The following SPICE1 variants were observed in gnomAD, a reference collection of about 807,000 sequenced individuals.
SPICE1 encodes the protein spindle and centriole-associated protein 1.
SPICE1 carries 75 observed loss-of-function variants against 102.7 expected under a neutral mutation model. The ratio of observed to expected loss-of-function variants is 0.73; its 90% CI spans 0.61 to 0.88. The LOEUF (loss-of-function observed/expected upper bound fraction) is 0.88. Among genes scored for constraint, SPICE1 ranks in the 40% least tolerant of loss-of-function variants. The pLI is 0.00. For missense variants in SPICE1, 979 were observed against 1,020.1 expected, an observed-to-expected ratio of 0.96 and a Z score of 0.55; for synonymous variants, 308 against 350.3, an observed-to-expected ratio of 0.88 and a Z score of 1.35.
In SPICE1 at chr3:113,488,978, G is replaced by A. The variant is rs1236544918; in HGVS notation, c.578C>T (p.Ser193Phe). The change falls in exon 7 of 18, where the codon TCT becomes TTT. Residue 193 changes from serine to phenylalanine, a missense_variant. Transcript: ENST00000295872. ...ATTCGTGTTAGACTGAGAGTTTAGA[G>A]AGTTATCCAACTCATTCTCATTCTC... ...ESENENELDN[S>F]LNSQSNTNTD... is the part of the protein sequence containing the mutation. 2 of 1,612,788 alleles carry A rather than the reference G, an allele frequency of 1.2e-6. No homozygotes were observed. Among genetic ancestry groups the A allele is most frequent in the South Asian group, 2.2e-5 (2 of 91,056 alleles).
intron 3 of SPICE1, among the ~76,000 whole-genome samples, chr3:113,502,442 C>T (rs1343842219): frequency 6.6e-6 from 1 of 152,066 alleles, no homozygotes; most frequent in Non-Finnish European, 1.5e-5. Flanking sequence ...TAGGCAAATA[C>T]ATAAAAGCAC....
chr3:113,459,887 G>GAAA, intron 12 of SPICE1: 2 of 853,736 alleles, frequency 2.3e-6, no homozygotes, highest in Non-Finnish European at 2.7e-6. Context: ...ATCTCAAAAA[G>GAAA]AAAAAAAAAA....
At chr3:113,486,735 A>C (rs1042955219) in intron 7 of SPICE1, among the ~76,000 whole-genome samples, 4 of 151,756 alleles carry the variant, frequency 2.6e-5, no homozygotes, top group African/African-American at 9.7e-5. Context: ...CAAAACATCT[A>C]TGTACCTCAT....
At chr3:113,514,829 G>A in intron 1 of SPICE1, 68 bp downstream of exon 1, 1 of 1,251,954 alleles carries the variant, frequency 8.0e-7, no homozygotes. Context: ...AAAGCGGTGC[G>A]CACGCGCATA....
chr3:113,503,378 G>A (rs777982381), intron 2 of SPICE1, 151 bp from the exon 3 acceptor site: 5 of 684,694 alleles, frequency 7.3e-6, no homozygotes, highest in Non-Finnish European at 1.2e-5. Context: ...ATTTAGATAT[G>A]AACACATATT....
At chr3:113,446,280 C>T (rs1013295099) in intron 17 of SPICE1, among the ~76,000 whole-genome samples, 1 of 152,108 alleles carries the variant, frequency 6.6e-6, no homozygotes, top group Non-Finnish European at 1.5e-5. Flanking sequence ...AGATCTACAA[C>T]CCATTCAAGG....
intron 15 of SPICE1, chr3:113,449,489 T>A (rs916167323): frequency 5.3e-5 from 8 of 152,226 alleles, no homozygotes; most frequent in African/African-American, 1.9e-4. Flanking sequence ...GGGAAATGCA[T>A]TACCATCTTT....
chr3:113,492,556 G>T (rs1156815454), intron 6 of SPICE1, among the ~76,000 whole-genome samples: 1 of 151,972 alleles, frequency 6.6e-6, no homozygotes, highest in Non-Finnish European at 1.5e-5. Context: ...TTGATACATT[G>T]CAAGTTTCTT....
intron 14 of SPICE1, among the ~76,000 whole-genome samples, chr3:113,451,285 C>T (rs1040394229): frequency 2.6e-5 from 4 of 152,060 alleles, no homozygotes; most frequent in African/African-American, 9.7e-5. Context: ...TAAAAAATAG[C>T]CGCCCAAAAA....
At chr3:113,460,244 TA>T in intron 12 of SPICE1, 1 of 984,610 alleles carries the variant, frequency 1.0e-6, no homozygotes, top group Non-Finnish European at 1.2e-6. Flanking sequence ...GCACTGGGAT[TA>T]AAAGTGCTAG....
At chr3:113,506,726 C>A in intron 1 of SPICE1, 121 bp from the exon 2 acceptor site, 1 of 707,406 alleles carries the variant, frequency 1.4e-6, no homozygotes, top group South Asian at 1.9e-5. Context: ...AAAATTTAAG[C>A]ATGATGAAAG....
chr3:113,449,633 C>T (rs1935598776), intron 15 of SPICE1: 1 of 152,132 alleles, frequency 6.6e-6, no homozygotes, highest in South Asian at 2.1e-4. Flanking sequence ...ATATGAGTCC[C>T]CTTCAAACAC....
chr3:113,503,293 T>A (rs1285380176), intron 2 of SPICE1, 66 bp from the exon 3 acceptor site: 1 of 1,438,658 alleles, frequency 7.0e-7, no homozygotes, highest in Non-Finnish European at 9.2e-7. Context: ...TACACATTTA[T>A]TGGATTTTAA....
intron 15 of SPICE1, among the ~76,000 whole-genome samples, chr3:113,448,456 G>A (rs190887191): frequency 7.4e-4 from 112 of 151,824 alleles, no homozygotes; most frequent in African/African-American, 2.5e-3. Context: ...TGAGATCTTT[G>A]TCCAAAAGAG....
chr3:113,500,499 G>C (rs1936988175), intron 3 of SPICE1, among the ~76,000 whole-genome samples: 1 of 151,764 alleles, frequency 6.6e-6, no homozygotes. Context: ...ATGTAATAAT[G>C]GCACTGTGGT....
chr3:113,504,268 T>C (rs530581871), intron 2 of SPICE1, among the ~76,000 whole-genome samples: 1 of 152,214 alleles, frequency 6.6e-6, no homozygotes, highest in South Asian at 2.1e-4. Flanking sequence ...GCTACACAGA[T>C]TTGGTAAGGC....
At chr3:113,463,941 G>A (rs529440228) in intron 11 of SPICE1, among the ~76,000 whole-genome samples, 11 of 152,214 alleles carry the variant, frequency 7.2e-5, no homozygotes, top group African/African-American at 1.7e-4. Flanking sequence ...AGTGGCAGGC[G>A]CCTGTAGTCC....
At chr3:113,464,409 A>G (rs183416637) in intron 11 of SPICE1, among the ~76,000 whole-genome samples, 1 of 151,962 alleles carries the variant, frequency 6.6e-6, no homozygotes. Context: ...GGCATATGCT[A>G]CCATGCCCAG....
In SPICE1 at chr3:113,514,896, C is replaced by T; in HGVS notation, c.-1+1G>A. ...ACCCAGACACGCACCCTGACACGTA[C>T]TTGCACTCTCAAAACACAGAGCCGC... On this transcript the variant is annotated splice_donor_variant, in intron 1 of 17. Coordinates refer to ENST00000295872, the MANE Select transcript of SPICE1 (RefSeq NM_144718.4). LOFTEE classifies it low-confidence loss of function (5UTR_SPLICE). 8.4e-7 allele frequency: 1 copy of T among 1,184,830 alleles called. No individual in the cohort carries two copies. The highest frequency in any genetic ancestry group is 1.1e-6 in the Non-Finnish European group (1 of 937,180). 73.4% of individuals were successfully genotyped at this position (1,184,830 alleles called of 1,614,324 possible).
Sources: gnomAD v4.1 joint callset for allele counts (sites outside exome capture counted in the v4.1 genomes callset) on GRCh38, gnomAD v4.1.1 for gene constraint, MANE v1.5 for transcripts, NCBI Gene and HGNC (gene_info 2026-07-23, HGNC 2026-07-21) for gene names.